The following MINDY2 variants were observed in gnomAD, a reference collection of about 807,000 sequenced individuals.
MINDY2 encodes MINDY lysine 48 deubiquitinase 2, also known as ubiquitin carboxyl-terminal hydrolase MINDY-2.
In MINDY2, 52 loss-of-function variants were observed where a neutral mutation model predicts 68.2. The observed-to-expected ratio is 0.76, with a 90% CI of 0.61 to 0.96. The LOEUF (loss-of-function observed/expected upper bound fraction) is 0.96, where lower values mean the gene tolerates loss of function less well. Among genes scored for constraint, MINDY2 ranks in the 40% least tolerant of loss-of-function variants. MINDY2 has a pLI of 0.00. For synonymous variants in MINDY2, 372 were observed against 303.0 expected (o/e 1.23, Z -2.36); for missense variants, 881 against 773.4 (o/e 1.14, Z -1.65).
chr15:58,803,092 A>G (rs1902773402), intron 3 of MINDY2, among the ~76,000 whole-genome samples: 1 of 152,242 alleles, frequency 6.6e-6, no homozygotes, highest in South Asian at 2.1e-4. Context: ...TCAAATTTGC[A>G]AAAAGAAAGC....
chr15:58,772,910 G>A (rs17236229), intron 1 of MINDY2, among the ~76,000 whole-genome samples: 1,701 of 152,254 alleles, frequency 0.011, 62 homozygotes, highest in East Asian at 0.082. Context: ...TGTTAAGGGA[G>A]CTAAAACTCT....
Position 58,842,202 on chromosome 15 carries a change from T to C in MINDY2, c.1369-5095T>C, listed in dbSNP as rs558364440. On this transcript the variant is annotated intron_variant, in intron 6 of 8. Transcript: ENST00000559228. ...TTTCCCCTATCTCTTGGTTTTAAAT[T>C]ACTGACATCTCTGAAGTATATTCAG... Among the ~76,000 whole-genome samples the C allele has an allele frequency of 2.0e-5, 3 of 152,268 alleles. No individual in the cohort carries two copies. In the East Asian group the frequency reaches 5.8e-4, roughly 29 times the overall value.
Position 58,805,769 on chromosome 15 carries a change from T to C in MINDY2, c.963+3392T>C, listed in dbSNP as rs549560249. Among the ~76,000 whole-genome samples, 72 of 139,788 alleles carry C rather than the reference T, an allele frequency of 5.2e-4. 1 individual carries two copies. The highest frequency in any genetic ancestry group is 8.9e-4 in the Admixed American group (12 of 13,444). The allele number at this position is 139,788 out of a possible 152,430, so 91.7% of individuals were successfully genotyped here. On this transcript the variant is annotated intron_variant, in intron 3 of 8. Transcript: ENST00000559228. ...ATAAGTTTGTTTGGTTTATCAGTTGTTGTTTTTTATTAAGACAGAGTCTCG... is the reference window on the plus strand; with the variant it reads ...ATAAGTTTGTTTGGTTTATCAGTTGCTGTTTTTTATTAAGACAGAGTCTCG...
At chr15:58,805,938 G>A (rs922425961) in intron 3 of MINDY2, among the ~76,000 whole-genome samples, 3 of 152,120 alleles carry the variant, frequency 2.0e-5, no homozygotes, top group Non-Finnish European at 4.4e-5. Flanking sequence ...AGCTGGGCGT[G>A]GTGGCACGTA....
At chr15:58,817,911 C>G (rs2030803964) in intron 4 of MINDY2, among the ~76,000 whole-genome samples, 1 of 152,148 alleles carries the variant, frequency 6.6e-6, no homozygotes, top group Non-Finnish European at 1.5e-5. Flanking sequence ...GGCATACACT[C>G]TTGATGAGTG....
rs1405701186 is a variant in MINDY2 at position 58,860,690 on chromosome 15, A to T, written c.*6080A>T. On this transcript the variant is annotated 3_prime_UTR_variant, in exon 9 of 9. Transcript: ENST00000559228. The stretch of plus-strand genomic sequence containing the variant: ...AATACCTTACAAAGCAGTTCTAACT[A>T]ATGCAATGTGTTTTTTAAAAATTTT... 2.2e-4 allele frequency: 34 copies of T among 152,164 alleles called. No homozygotes were observed. Among genetic ancestry groups the T allele is most frequent in the Admixed American group, 2.2e-3 (34 of 15,268 alleles). 9.4% of individuals were successfully genotyped at this position (152,164 alleles called of 1,614,324 possible).
chr15:58,801,704 A>T (rs1189384331), intron 2 of MINDY2, among the ~76,000 whole-genome samples: 2 of 152,168 alleles, frequency 1.3e-5, no homozygotes, highest in Non-Finnish European at 2.9e-5. Flanking sequence ...CAGTGGCGCG[A>T]TCTCGGCTCA....
intron 2 of MINDY2, among the ~76,000 whole-genome samples, chr15:58,799,386 T>G (rs970857475): frequency 2.0e-5 from 3 of 151,886 alleles, no homozygotes; most frequent in Non-Finnish European, 2.9e-5. Context: ...GCTAACACAG[T>G]GAAACCCTGT....
intron 3 of MINDY2, among the ~76,000 whole-genome samples, chr15:58,806,909 G>T (rs1211396107): frequency 6.6e-6 from 1 of 152,182 alleles, no homozygotes; most frequent in African/African-American, 2.4e-5. Context: ...TAGAAGAGAT[G>T]AAACTGACAA....
chr15:58,809,223 C>T (rs904835671), intron 3 of MINDY2, among the ~76,000 whole-genome samples: 4 of 151,916 alleles, frequency 2.6e-5, no homozygotes, highest in Admixed American at 6.6e-5. Flanking sequence ...ATCAAACAAC[C>T]CCCCTTTTCC....
intron 2 of MINDY2, among the ~76,000 whole-genome samples, chr15:58,794,067 G>A (rs1341990112): frequency 6.6e-6 from 1 of 152,114 alleles, no homozygotes; most frequent in Non-Finnish European, 1.5e-5. Context: ...AAAGAATCTA[G>A]GGTATGTTGC....
chr15:58,859,466 A>T lies in MINDY2; in HGVS notation c.*4856A>T, dbSNP rs956100086. 1 of 152,154 alleles carries T rather than the reference A, an allele frequency of 6.6e-6. No individual in the cohort carries two copies. Among genetic ancestry groups the T allele is most frequent in the Non-Finnish European group, 1.5e-5 (1 of 68,012 alleles). 9.4% of individuals were successfully genotyped at this position (152,154 alleles called of 1,614,324 possible). On this transcript the variant is annotated 3_prime_UTR_variant, in exon 9 of 9. Transcript: ENST00000559228. ...AAATCCCTTTTAGAAAGTGACTGAA[A>T]ATGGTAAAGGAACTCATCAGAATCT... is the stretch of plus-strand genomic sequence containing the variant.
intron 8 of MINDY2, 101 bp from the exon 9 acceptor site, chr15:58,854,381 T>C: frequency 1.5e-6 from 2 of 1,337,502 alleles, no homozygotes; most frequent in Non-Finnish European, 2.0e-6. Context: ...TCTTTTTCCA[T>C]CAGTGATTCC....
chr15:58,800,842 A>T (rs1218213406), intron 2 of MINDY2, among the ~76,000 whole-genome samples: 1 of 151,898 alleles, frequency 6.6e-6, no homozygotes, highest in African/African-American at 2.4e-5. Context: ...CTCAAAAAAA[A>T]AAAAAAAAAA....
intron 2 of MINDY2, among the ~76,000 whole-genome samples, chr15:58,794,233 G>A (rs1703531246): frequency 6.6e-6 from 1 of 152,086 alleles, no homozygotes; most frequent in Non-Finnish European, 1.5e-5. Flanking sequence ...GAAGGAAAAT[G>A]TAATGAGATT....
intron 5 of MINDY2, 135 bp from the exon 6 acceptor site, chr15:58,831,639 C>T: frequency 3.0e-6 from 2 of 656,060 alleles, no homozygotes. Flanking sequence ...CAGTTTGGAG[C>T]CATCATAAAG....
At chr15:58,846,153 G>T (rs1263091529) in intron 6 of MINDY2, among the ~76,000 whole-genome samples, 1 of 151,534 alleles carries the variant, frequency 6.6e-6, no homozygotes, top group Non-Finnish European at 1.5e-5. Context: ...ACACAAGAGT[G>T]TGAGTATAGT....
At chr15:58,836,646 TC>T (rs2032007143) in intron 6 of MINDY2, among the ~76,000 whole-genome samples, 1 of 151,818 alleles carries the variant, frequency 6.6e-6, no homozygotes, top group Admixed American at 6.6e-5. Context: ...TGAAACAGGG[TC>T]TTGCTCTGTC....
intron 1 of MINDY2, 99 bp from the exon 2 acceptor site, chr15:58,787,807 G>A (rs1247888938): frequency 1.6e-6 from 1 of 625,700 alleles, no homozygotes; most frequent in Non-Finnish European, 2.7e-6. Flanking sequence ...AAGTATAGTA[G>A]ATACATAATT....
Sources: allele counts gnomAD v4.1 joint callset (sites outside exome capture counted in the v4.1 genomes callset), GRCh38; gene constraint gnomAD v4.1.1; transcripts MANE v1.5; gene names NCBI Gene and HGNC (gene_info 2026-07-23, HGNC 2026-07-21).